Variants in ZPBP observed in about 807,000 individuals in gnomAD.
The protein encoded by ZPBP is zona pellucida binding protein, also known as zona pellucida-binding protein 1.
Under a neutral mutation model 44.8 loss-of-function variants are expected in ZPBP, and 26 were observed. The observed-to-expected ratio is 0.58, with a 90% CI of 0.43 to 0.81. The LOEUF (loss-of-function observed/expected upper bound fraction) is 0.81, where lower values mean the gene tolerates loss of function less well. Ranked by LOEUF, ZPBP falls within the 30% of genes least tolerant of loss-of-function variation. ZPBP has a pLI of 0.00. For synonymous variants in ZPBP, 174 were observed against 153.2 expected, an observed-to-expected ratio of 1.14 and a Z score of -1.00; for missense variants, 409 against 434.0, an observed-to-expected ratio of 0.94 and a Z score of 0.51.
chr7:49,862,725 A>AGTT (rs1333185071), intron 2 of ZPBP, among the ~76,000 whole-genome samples: 7 of 145,474 alleles, frequency 4.8e-5, no homozygotes, highest in African/African-American at 1.9e-4. Context: ...GATGACCATG[A>AGTT]GTTTTTTTTT....
chr7:49,875,848 C>T (rs976455987), intron 2 of ZPBP, among the ~76,000 whole-genome samples: 2 of 152,142 alleles, frequency 1.3e-5, no homozygotes, highest in African/African-American at 2.4e-5. Context: ...GCTGCAGGCT[C>T]CATGAGCAAG....
At chr7:50,083,233 AT>A (rs1436673219) in intron 2 of ZPBP, among the ~76,000 whole-genome samples, 1 of 151,894 alleles carries the variant, frequency 6.6e-6, no homozygotes, top group African/African-American at 2.4e-5. Context: ...AACAAATAAT[AT>A]TCCTCTACAT....
chr7:50,009,846 A>G (rs1798489689), intron 6 of ZPBP, among the ~76,000 whole-genome samples: 1 of 150,984 alleles, frequency 6.6e-6, no homozygotes, highest in African/African-American at 2.4e-5. Flanking sequence ...CACACTAATA[A>G]TGAACATTTG....
intron 3 of ZPBP, among the ~76,000 whole-genome samples, chr7:50,060,799 C>T (rs940713909): frequency 1.3e-4 from 20 of 152,176 alleles, no homozygotes; most frequent in Admixed American, 2.0e-4. Context: ...CGACTCTTTC[C>T]TAGCTCATTC....
intron 4 of ZPBP, among the ~76,000 whole-genome samples, chr7:50,053,320 T>C (rs555621956): frequency 6.6e-6 from 1 of 152,324 alleles, no homozygotes; most frequent in East Asian, 1.9e-4. Context: ...CTCAGTCTAC[T>C]TTTCTAAACT....
At chr7:50,011,326 G>C (rs1027455419) in intron 6 of ZPBP, among the ~76,000 whole-genome samples, 3 of 152,050 alleles carry the variant, frequency 2.0e-5, no homozygotes, top group African/African-American at 7.3e-5. Context: ...GACGATGAAT[G>C]CAAAAGCAAA....
chr7:49,981,605 T>A (rs185217598), intron 7 of ZPBP, among the ~76,000 whole-genome samples: 2 of 52,276 alleles, frequency 3.8e-5, no homozygotes, highest in Non-Finnish European at 5.8e-5. Flanking sequence ...TTATATAAAT[T>A]ATATAATTAT....
rs1562820462 is a variant in ZPBP at position 49,981,660 on chromosome 7, A to G, written c.961+1682T>C. ...TATATTATATAATATCTTGATATAAAATATATATTATATATTATATATAAT... is the reference window on the plus strand; with the variant it reads ...TATATTATATAATATCTTGATATAAGATATATATTATATATTATATATAAT... On this transcript the variant is annotated intron_variant, in intron 7 of 7. Coordinates refer to ENST00000046087, the MANE Select transcript of ZPBP (RefSeq NM_007009.3). Among the ~76,000 whole-genome samples the G allele has an allele frequency of 2.9e-5, 2 of 69,900 alleles. 1 individual carries two copies. Among genetic ancestry groups the G allele is most frequent in the Non-Finnish European group, 4.5e-5 (2 of 44,320 alleles). The allele number at this position is 69,900 out of a possible 152,430, so 45.9% of individuals were successfully genotyped here. A position where few individuals can be genotyped will look rare whatever the true frequency, so the allele number is the denominator to read the frequency against.
intron 1 of ZPBP, among the ~76,000 whole-genome samples, chr7:49,928,036 T>C (rs546522510): frequency 7.2e-5 from 11 of 152,256 alleles, no homozygotes; most frequent in African/African-American, 1.9e-4. Flanking sequence ...CGTTGCCATA[T>C]TGGGGACTCC....
chr7:50,022,462 C>T (rs998368492), intron 5 of ZPBP, among the ~76,000 whole-genome samples: 3 of 151,642 alleles, frequency 2.0e-5, no homozygotes, highest in Non-Finnish European at 2.9e-5. Context: ...TAGTTTCTTA[C>T]AAGTTTGAAA....
chr7:49,893,087 G>A (rs1348270085), intron 2 of ZPBP, among the ~76,000 whole-genome samples: 7 of 152,154 alleles, frequency 4.6e-5, no homozygotes, highest in Non-Finnish European at 8.8e-5. Context: ...CTTTGAGGAG[G>A]ACATATTATT....
chr7:50,057,382 C>CCAAGCAGACTAAGCAG (rs1801003883), intron 4 of ZPBP, among the ~76,000 whole-genome samples: 3 of 152,252 alleles, frequency 2.0e-5, no homozygotes, highest in African/African-American at 7.2e-5. Context: ...CTGATAAATT[C>CCAAGCAGACTAAGCAG]TCCCACCCTG....
chr7:50,003,466 T>A (rs1420388610), intron 6 of ZPBP, among the ~76,000 whole-genome samples: 3 of 152,228 alleles, frequency 2.0e-5, no homozygotes, highest in African/African-American at 7.2e-5. Context: ...GAAGTGAGGA[T>A]GCCCAATTCT....
intron 1 of ZPBP, among the ~76,000 whole-genome samples, chr7:49,904,850 C>T (rs1032710715): frequency 6.6e-6 from 1 of 151,674 alleles, no homozygotes; most frequent in Non-Finnish European, 1.5e-5. Context: ...ATTCTCCTGC[C>T]TCAGCCTCCC....
chr7:49,979,785 T>C (rs1277663654), intron 7 of ZPBP, among the ~76,000 whole-genome samples: 4 of 140,724 alleles, frequency 2.8e-5, no homozygotes, highest in Non-Finnish European at 4.5e-5. Context: ...TGGGTATTTC[T>C]ATGTTTTTCT....
chr7:50,023,592 T>TAC (rs754740498), intron 5 of ZPBP, among the ~76,000 whole-genome samples: 4 of 151,764 alleles, frequency 2.6e-5, no homozygotes, highest in Non-Finnish European at 5.9e-5. Context: ...TCCACACACA[T>TAC]ACACACACAC....
intron 2 of ZPBP, among the ~76,000 whole-genome samples, chr7:49,866,233 G>A (rs1196709002): frequency 1.3e-5 from 2 of 152,184 alleles, no homozygotes; most frequent in East Asian, 1.9e-4. Flanking sequence ...TTCGCCAGAT[G>A]TGTTCACTGG....
Position 50,093,212 on chromosome 7 carries a change from C to A in ZPBP, c.-18G>T. 2 of 1,508,988 alleles carry A rather than the reference C, an allele frequency of 1.3e-6. No individual in the cohort carries two copies. Among genetic ancestry groups the A allele is most frequent in the Middle Eastern group, 2.3e-4 (1 of 4,262 alleles). The allele number at this position is 1,508,988 out of a possible 1,614,324, so 93.5% of individuals were successfully genotyped here. On this transcript the variant is annotated 5_prime_UTR_variant, in exon 1 of 8. It adds an upstream start codon to the 5' untranslated region. Transcript: ENST00000046087. ...GCCTCCATCCACACGCCGCCGTCGC[C>A]TGCCCACCGTCCGCGCGGAAGGTCG...
chr7:50,031,090 A>G lies in ZPBP; in HGVS notation c.706+2T>C. On this transcript the variant is annotated splice_donor_variant, in intron 5 of 7. Transcript: ENST00000046087. LOFTEE classifies it high-confidence loss of function. Reference sequence around the variant, plus strand: ...CTTTTCTAACAAATTGTATAGACTTACCTGAAAATGCAAAGAACAATTCAT... The same window carrying G: ...CTTTTCTAACAAATTGTATAGACTTGCCTGAAAATGCAAAGAACAATTCAT... 1.2e-6 allele frequency: 2 copies of G among 1,613,066 alleles called. No homozygotes were observed. The highest frequency in any genetic ancestry group is 1.1e-5 in the South Asian group (1 of 91,030).
Sources: allele counts gnomAD v4.1 joint callset (sites outside exome capture counted in the v4.1 genomes callset), GRCh38; gene constraint gnomAD v4.1.1; transcripts MANE v1.5; gene names NCBI Gene and HGNC (gene_info 2026-07-23, HGNC 2026-07-21).